Variants in SNAPC3 observed in about 807,000 individuals in gnomAD.
The protein encoded by SNAPC3 is small nuclear RNA activating complex polypeptide 3.
In SNAPC3, 56 loss-of-function variants were observed where a neutral mutation model predicts 47.7. That is an observed-to-expected ratio of 1.18 (90% CI 0.95 to 1.47). The LOEUF is 1.47. Among genes scored for constraint, SNAPC3 ranks in the 40% most tolerant of loss-of-function variants. SNAPC3 has a pLI of 0.00. For synonymous variants in SNAPC3, 235 were observed against 189.9 expected (o/e 1.24, Z -1.95); for missense variants, 665 against 511.3 (o/e 1.30, Z -2.90).
intron 3 of SNAPC3, among the ~76,000 whole-genome samples, chr9:15,434,016 CTT>C (rs2032496431): frequency 6.6e-6 from 1 of 152,176 alleles, no homozygotes; most frequent in African/African-American, 2.4e-5. Context: ...GATGATGACT[CTT>C]GAGGAATTAG....
intron 3 of SNAPC3, among the ~76,000 whole-genome samples, chr9:15,442,949 A>G (rs1004777299): frequency 6.6e-6 from 1 of 152,224 alleles, no homozygotes; most frequent in African/African-American, 2.4e-5. Flanking sequence ...CTGGCAGATC[A>G]CTCGCAGTTA....
At chr9:15,445,482 G>T (rs904948323) in intron 4 of SNAPC3, among the ~76,000 whole-genome samples, 6 of 152,152 alleles carry the variant, frequency 3.9e-5, no homozygotes, top group African/African-American at 1.4e-4. Flanking sequence ...TTAGGAGAAA[G>T]AACTCTTTCC....
At chr9:15,433,322 G>T (rs952528054) in intron 2 of SNAPC3, among the ~76,000 whole-genome samples, 1 of 151,658 alleles carries the variant, frequency 6.6e-6, no homozygotes. Context: ...TTAAAAAGGC[G>T]TATAGCTAAT....
At chr9:15,463,329 A>G (rs925093548), downstream of SNAPC3, 13 of 145,388 alleles carry the variant, frequency 8.9e-5, no homozygotes, top group African/African-American at 3.1e-4. Context: ...GGTTCAAGCA[A>G]TTCTCCTGCC....
chr9:15,437,486 G>A (rs1257885082), intron 3 of SNAPC3, among the ~76,000 whole-genome samples: 1 of 152,034 alleles, frequency 6.6e-6, no homozygotes, highest in Non-Finnish European at 1.5e-5. Flanking sequence ...ACCCACCTTG[G>A]CCTCTCAAAT....
chr9:15,435,486 T>C (rs980646127), intron 3 of SNAPC3, among the ~76,000 whole-genome samples: 5 of 151,744 alleles, frequency 3.3e-5, no homozygotes, highest in Admixed American at 2.0e-4. Flanking sequence ...AACAGGAGAA[T>C]TGCTTGAACC....
chr9:15,438,658 C>A (rs1287305551), intron 3 of SNAPC3, among the ~76,000 whole-genome samples: 1 of 152,098 alleles, frequency 6.6e-6, no homozygotes, highest in Non-Finnish European at 1.5e-5. Context: ...TGTTAAATTT[C>A]CACATACTTG....
At chr9:15,440,812 G>A (rs925963273) in intron 3 of SNAPC3, among the ~76,000 whole-genome samples, 11 of 152,158 alleles carry the variant, frequency 7.2e-5, no homozygotes, top group Non-Finnish European at 1.2e-4. Flanking sequence ...AGCTGGGCGC[G>A]GTGGCGAGTG....
At chr9:15,445,394 G>T (rs113068503) in intron 4 of SNAPC3, among the ~76,000 whole-genome samples, 3,105 of 152,270 alleles carry the variant, frequency 0.02, 52 homozygotes, top group Middle Eastern at 0.034. Context: ...TACTTGGGAA[G>T]TTATTGAACT....
intron 3 of SNAPC3, among the ~76,000 whole-genome samples, chr9:15,438,915 C>A (rs1469923620): frequency 2.6e-5 from 4 of 152,108 alleles, no homozygotes; most frequent in Non-Finnish European, 5.9e-5. Context: ...TCTAGTTGTT[C>A]TACCCGTTAT....
intron 3 of SNAPC3, among the ~76,000 whole-genome samples, chr9:15,440,469 C>T (rs1245546853): frequency 1.3e-5 from 2 of 151,118 alleles, no homozygotes; most frequent in Non-Finnish European, 2.9e-5. Context: ...TCTTGGCTGA[C>T]AGGTTTTGTT....
downstream of SNAPC3, chr9:15,465,685 AAACC>A (rs1181257525): frequency 2.5e-5 from 22 of 879,022 alleles, no homozygotes; most frequent in Admixed American, 5.6e-5. Flanking sequence ...GAAAAGACTG[AAACC>A]AACCAAACAA....
At chr9:15,465,365 G>C (rs547860139), downstream of SNAPC3, 13 of 636,460 alleles carry the variant, frequency 2.0e-5, no homozygotes, top group South Asian at 2.7e-4. Flanking sequence ...TAGCGATAAT[G>C]TTTACTTTAC....
At chr9:15,454,363 A>G (rs536767101) in intron 7 of SNAPC3, among the ~76,000 whole-genome samples, 1 of 152,346 alleles carries the variant, frequency 6.6e-6, no homozygotes, top group South Asian at 2.1e-4. Flanking sequence ...CAGAAGATGT[A>G]AAAGTGCTTC....
At chr9:15,439,898 CTG>C in intron 3 of SNAPC3, among the ~76,000 whole-genome samples, 2 of 152,326 alleles carry the variant, frequency 1.3e-5, no homozygotes, top group East Asian at 3.9e-4. Flanking sequence ...CCTCAACCTA[CTG>C]TGGTTTGACT....
intron 3 of SNAPC3, among the ~76,000 whole-genome samples, chr9:15,443,934 C>T (rs2033721263): frequency 6.6e-6 from 1 of 152,148 alleles, no homozygotes; most frequent in Admixed American, 6.5e-5. Flanking sequence ...CCAGAGTTCC[C>T]AAATAGTTTA....
chr9:15,462,789 A>G (rs2035315712), downstream of SNAPC3: 1 of 152,032 alleles, frequency 6.6e-6, no homozygotes, highest in East Asian at 1.9e-4. Flanking sequence ...ACACAAACAT[A>G]AACACATTTC....
chr9:15,462,448 C>T (rs2035284851), downstream of SNAPC3: 1 of 152,072 alleles, frequency 6.6e-6, no homozygotes, highest in Admixed American at 6.6e-5. Context: ...GCTATAAAAC[C>T]CCTGATTTAA....
chr9:15,430,187 TG>T, intron 2 of SNAPC3, among the ~76,000 whole-genome samples: 1 of 152,294 alleles, frequency 6.6e-6, no homozygotes. Flanking sequence ...TCTCAACACT[TG>T]GGGAGGCCAA....
Sources: gnomAD v4.1 joint callset for allele counts (sites outside exome capture counted in the v4.1 genomes callset) on GRCh38, gnomAD v4.1.1 for gene constraint, MANE v1.5 for transcripts, NCBI Gene and HGNC (gene_info 2026-07-23, HGNC 2026-07-21) for gene names.